GPHN: variants seen among roughly 807,000 people sequenced by gnomAD.
The protein encoded by GPHN is gephyrin.
Under a neutral mutation model 95.5 loss-of-function variants are expected in GPHN, and 17 were observed. That is an observed-to-expected ratio of 0.18 (90% CI 0.12 to 0.27). The LOEUF is 0.27. Among genes scored for constraint, GPHN ranks in the 10% least tolerant of loss-of-function variants. The pLI, the probability that GPHN is intolerant of heterozygous loss-of-function variation, is 1.00. For synonymous variants in GPHN, 320 were observed against 322.5 expected, an observed-to-expected ratio of 0.99 and a Z score of 0.08; for missense variants, 660 against 978.1, an observed-to-expected ratio of 0.67 and a Z score of 4.34.
At chr14:67,159,926 T>C (rs1028163461) in intron 19 of GPHN, among the ~76,000 whole-genome samples, 8 of 152,190 alleles carry the variant, frequency 5.3e-5, no homozygotes, top group Non-Finnish European at 1.2e-4. Flanking sequence ...TATGTCATTT[T>C]GGTATACATC....
intron 2 of GPHN, among the ~76,000 whole-genome samples, chr14:66,758,890 C>T (rs894857697): frequency 3.3e-5 from 5 of 152,088 alleles, no homozygotes; most frequent in Admixed American, 1.3e-4. Context: ...TAGTCTAAAA[C>T]GTAGGCAAAA....
At position 67,122,347 on chromosome 14, in the gene GPHN, C is replaced by T. The variant is rs1725297331; in HGVS notation, c.1718C>T (p.Pro573Leu). The T allele has an allele frequency of 1.2e-6, 2 of 1,612,972 alleles. No homozygotes were observed. The highest frequency in any genetic ancestry group is 1.7e-6 in the Non-Finnish European group (2 of 1,179,164). Residue 573 changes from proline to leucine, a missense_variant, in exon 17 of 23, where the codon CCC becomes CTC. This residue lies in a region of GPHN where 257 missense variants were observed against 376.2 expected (regional missense o/e 0.68). Transcript: ENST00000478722. Reference sequence around the variant, plus strand: ...GCAACAATTCAGGAACATGGTTACCCCACGATCAACTTGGGTATTGTAGGA... The same window carrying T: ...GCAACAATTCAGGAACATGGTTACCTCACGATCAACTTGGGTATTGTAGGA... Reference protein sequence around the residue: ...LLATIQEHGYPTINLGIVGDN... With the variant: ...LLATIQEHGYLTINLGIVGDN...
chr14:67,562,193 C>T, the GPHN span: 1 of 1,611,474 alleles, frequency 6.2e-7, no homozygotes, highest in Admixed American at 1.7e-5. Context: ...AGCTGCAGAG[C>T]AGGATTCTGT....
intron 18 of GPHN, 123 bp from the exon 19 acceptor site, chr14:67,159,292 T>C: frequency 1.4e-6 from 1 of 736,572 alleles, no homozygotes. Context: ...GCAAATCAAC[T>C]CCATTAAAAT....
At chr14:67,444,125 C>T in the GPHN span, among the ~76,000 whole-genome samples, 2 of 152,172 alleles carry the variant, frequency 1.3e-5, no homozygotes, top group Non-Finnish European at 2.9e-5. Context: ...GCTTTCCGGA[C>T]TGAAATAATG....
At chr14:66,693,262 C>T (rs1433720689) in intron 2 of GPHN, among the ~76,000 whole-genome samples, 2 of 152,024 alleles carry the variant, frequency 1.3e-5, no homozygotes, top group African/African-American at 4.8e-5. Context: ...ATGCTTGGAA[C>T]AATTATGTAA....
At chr14:66,836,388 G>A (rs1410361006) in intron 4 of GPHN, among the ~76,000 whole-genome samples, 73 of 144,564 alleles carry the variant, frequency 5.0e-4, no homozygotes, top group African/African-American at 1.1e-3. Context: ...CTGGCTAGCC[G>A]TATGTAGAAA....
chr14:67,417,234 T>C, the GPHN span, among the ~76,000 whole-genome samples: 2 of 152,180 alleles, frequency 1.3e-5, no homozygotes, highest in Admixed American at 1.3e-4. Flanking sequence ...GATCCTCAAG[T>C]TCCTCATCTC....
At chr14:67,045,811 C>G (rs77629427) in intron 10 of GPHN, among the ~76,000 whole-genome samples, 2,975 of 152,156 alleles carry the variant, frequency 0.02, 38 homozygotes, top group Non-Finnish European at 0.03. Context: ...CTTTCTCTCT[C>G]TGTGTGTGTG....
chr14:67,597,841 G>A, the GPHN span, among the ~76,000 whole-genome samples: 1 of 152,108 alleles, frequency 6.6e-6, no homozygotes, highest in South Asian at 2.1e-4. Context: ...TAGGGGAAGT[G>A]GTGGTTAGTG....
intron 18 of GPHN, among the ~76,000 whole-genome samples, chr14:67,151,691 T>C (rs942419517): frequency 6.6e-6 from 1 of 152,222 alleles, no homozygotes; most frequent in African/African-American, 2.4e-5. Context: ...TCTCCCAGGC[T>C]GGAGCACAGT....
chr14:66,717,047 C>A (rs1272924469), intron 2 of GPHN, among the ~76,000 whole-genome samples: 1 of 152,146 alleles, frequency 6.6e-6, no homozygotes, highest in African/African-American at 2.4e-5. Flanking sequence ...AGGTCTCTAG[C>A]AAGACTGGGG....
the GPHN span, among the ~76,000 whole-genome samples, chr14:67,448,474 G>C: frequency 6.6e-6 from 1 of 152,128 alleles, no homozygotes; most frequent in Non-Finnish European, 1.5e-5. Flanking sequence ...TAAATGAATT[G>C]ATTGGAGCAG....
At chr14:67,424,274 T>A in the GPHN span, among the ~76,000 whole-genome samples, 8 of 148,704 alleles carry the variant, frequency 5.4e-5, no homozygotes, top group Non-Finnish European at 8.9e-5. Context: ...TAAATAAAAT[T>A]AAAAATAAAA....
intron 1 of GPHN, among the ~76,000 whole-genome samples, chr14:66,591,802 C>G (rs2061660184): frequency 6.6e-6 from 1 of 152,168 alleles, no homozygotes; most frequent in Non-Finnish European, 1.5e-5. Flanking sequence ...TTAGAAAAAA[C>G]TACTTTAAAT....
rs972347417 is a variant in GPHN, at chr14:66,842,832, C to T, written c.294+18266C>T. 25 of 743,718 alleles carry T rather than the reference C, an allele frequency of 3.4e-5. No homozygotes were observed. The Admixed American group carries it at 5.1e-4, about 15-fold the overall frequency. 46.1% of individuals were successfully genotyped at this position (743,718 alleles called of 1,614,324 possible). ...TCCATTTTTCACATCTGTTTAATTT[C>T]CTTGTGGATTGTTATGTATCTATGT... On this transcript the variant is annotated intron_variant, in intron 4 of 22. Transcript: ENST00000478722.
chr14:66,624,674 A>G lies in GPHN; in HGVS notation c.65-56433A>G, dbSNP rs560098962. 7.2e-5 allele frequency among the ~76,000 whole-genome samples: 11 copies of G among 152,274 alleles called. No homozygotes were observed. The South Asian group carries it at 2.3e-3, about 32-fold the overall frequency. ...AAATTTGGCTACAATCTGTTTTTCT[A>G]TTGCTCTTAGCTTGGGAGGATTTTT... On this transcript the variant is annotated intron_variant, in intron 1 of 22. Transcript: ENST00000478722.
At chr14:67,611,467 G>A in the GPHN span, among the ~76,000 whole-genome samples, 65,462 of 151,250 alleles carry the variant, frequency 0.43, 18,223 homozygotes, top group African/African-American at 0.8. Flanking sequence ...GGGTTTCACC[G>A]TATTGGGCAG....
chr14:67,246,694 AGG>A, the GPHN span, among the ~76,000 whole-genome samples: 1 of 122,972 alleles, frequency 8.1e-6, no homozygotes. Context: ...CTCTCTCGCC[AGG>A]CTGGAGTGCA....
Sources: allele counts gnomAD v4.1 joint callset (sites outside exome capture counted in the v4.1 genomes callset), GRCh38; gene constraint gnomAD v4.1.1; regional missense constraint gnomAD v4.1.1; transcripts MANE v1.5; gene names NCBI Gene and HGNC (gene_info 2026-07-23, HGNC 2026-07-21).